The following ATP8B4 variants were observed in gnomAD, a reference collection of about 807,000 sequenced individuals.
ATP8B4 encodes ATPase phospholipid transporting 8B4 (putative), also known as probable phospholipid-transporting ATPase IM.
Under a neutral mutation model 145.6 loss-of-function variants are expected in ATP8B4, and 133 were observed. That is an observed-to-expected ratio of 0.91 (90% CI 0.79 to 1.05). The LOEUF (loss-of-function observed/expected upper bound fraction) is 1.05. Among genes scored for constraint, ATP8B4 ranks in the 50% least tolerant of loss-of-function variants. ATP8B4 has a pLI of 0.00. For synonymous variants in ATP8B4, 507 were observed against 492.9 expected (o/e 1.03, Z -0.38); for missense variants, 1,458 against 1,425.2 (o/e 1.02, Z -0.37).
At chr15:50,135,360 A>C (rs2044107066) in intron 1 of ATP8B4, among the ~76,000 whole-genome samples, 1 of 152,156 alleles carries the variant, frequency 6.6e-6, no homozygotes. Flanking sequence ...CTCAATCTTT[A>C]ACCACTCCAC....
rs532263865 is a variant in ATP8B4 at position 50,006,034 on chromosome 15, G to C, written c.436-3811C>G. On this transcript the variant is annotated intron_variant, in intron 7 of 27. Transcript: ENST00000284509. ...AAATAAACCAAATACCTCATGCATT[G>C]AGTCAAAAAATGAGAATGAGATCCT... Among the ~76,000 whole-genome samples the C allele has an allele frequency of 2.0e-5, 3 of 151,972 alleles. No individual in the cohort carries two copies. In the East Asian group the frequency reaches 5.8e-4, roughly 29 times the overall value.
chr15:49,882,486 A>C (rs759226572), intron 23 of ATP8B4, among the ~76,000 whole-genome samples: 2 of 152,258 alleles, frequency 1.3e-5, no homozygotes, highest in Non-Finnish European at 2.9e-5. Flanking sequence ...AAACAACCAA[A>C]ACATCCTTCA....
chr15:49,897,778 T>A (rs991101692), intron 22 of ATP8B4, among the ~76,000 whole-genome samples: 3 of 152,218 alleles, frequency 2.0e-5, no homozygotes, highest in Non-Finnish European at 4.4e-5. Flanking sequence ...ATGTTACAAA[T>A]GTGGGTCTGG....
chr15:49,915,834 GT>G (rs76351737), intron 20 of ATP8B4, among the ~76,000 whole-genome samples: 634 of 141,312 alleles, frequency 4.5e-3, no homozygotes, highest in Non-Finnish European at 4.9e-3. Flanking sequence ...GATATAGCAG[GT>G]TTTTTTTTTT....
intron 14 of ATP8B4, among the ~76,000 whole-genome samples, chr15:49,935,234 C>G (rs921868587): frequency 3.9e-5 from 6 of 151,998 alleles, no homozygotes; most frequent in Non-Finnish European, 5.9e-5. Context: ...ATAGGCCCGA[C>G]TTTATGCTAA....
chr15:50,147,529 T>C (rs1002323434), intron 1 of ATP8B4, among the ~76,000 whole-genome samples: 4 of 151,668 alleles, frequency 2.6e-5, no homozygotes, highest in Non-Finnish European at 5.9e-5. Flanking sequence ...GGCTTCCATG[T>C]CTAAACACCA....
intron 21 of ATP8B4, among the ~76,000 whole-genome samples, chr15:49,898,587 A>G (rs191470440): frequency 9.6e-4 from 147 of 152,360 alleles, no homozygotes; most frequent in African/African-American, 3.5e-3. Context: ...TGATGAAAAC[A>G]AAAGACAGAA....
intron 14 of ATP8B4, among the ~76,000 whole-genome samples, chr15:49,959,571 AC>A (rs1389575898): frequency 6.6e-6 from 1 of 152,138 alleles, no homozygotes; most frequent in East Asian, 1.9e-4. Context: ...TGGAAACCCC[AC>A]AAAAAAGACT....
At chr15:50,157,207 T>A (rs144002975) in intron 1 of ATP8B4, among the ~76,000 whole-genome samples, 4 of 152,072 alleles carry the variant, frequency 2.6e-5, no homozygotes, top group African/African-American at 9.6e-5. Flanking sequence ...AGATAGAAAG[T>A]TTTTTTTACC....
At chr15:50,068,105 C>T (rs1170068308) in intron 3 of ATP8B4, among the ~76,000 whole-genome samples, 1 of 152,144 alleles carries the variant, frequency 6.6e-6, no homozygotes, top group African/African-American at 2.4e-5. Flanking sequence ...TCTCGGCTCA[C>T]ACACTGAGAA....
intron 23 of ATP8B4, among the ~76,000 whole-genome samples, chr15:49,885,044 T>C (rs749750668): frequency 5.9e-5 from 9 of 152,238 alleles, no homozygotes; most frequent in Non-Finnish European, 1.2e-4. Context: ...TAAAACCCTC[T>C]AATGGTTTTC....
chr15:50,016,348 C>T (rs1347050205), intron 6 of ATP8B4, among the ~76,000 whole-genome samples: 2 of 152,132 alleles, frequency 1.3e-5, no homozygotes, highest in African/African-American at 4.8e-5. Context: ...AAGACAATTC[C>T]ATCTGTTCTC....
rs572435563 is a variant in ATP8B4 at position 50,083,351 on chromosome 15, T to C, written c.29-9166A>G. ...CATTCTTTTACAATTAGATTATCTA[T>C]AGCAAAAAAAATGCATTTTTATGGA... On this transcript the variant is annotated intron_variant, in intron 2 of 27. Transcript: ENST00000284509. Among the ~76,000 whole-genome samples the C allele has an allele frequency of 6.6e-5, 5 of 76,160 alleles. No individual in the cohort carries two copies. The East Asian group carries it at 1.9e-3, about 29-fold the overall frequency. The allele number at this position is 76,160 out of a possible 152,430, so 50.0% of individuals were successfully genotyped here. A position where few individuals can be genotyped will look rare whatever the true frequency, so the allele number is the denominator to read the frequency against.
At chr15:50,154,356 T>C (rs2044385926) in intron 1 of ATP8B4, among the ~76,000 whole-genome samples, 1 of 152,190 alleles carries the variant, frequency 6.6e-6, no homozygotes, top group African/African-American at 2.4e-5. Context: ...TTTATTTCCT[T>C]TCTAAATCCA....
At chr15:50,172,758 C>A (rs1420957863) in intron 1 of ATP8B4, among the ~76,000 whole-genome samples, 1 of 151,802 alleles carries the variant, frequency 6.6e-6, no homozygotes, top group Non-Finnish European at 1.5e-5. Flanking sequence ...CCCCGCCGCC[C>A]CGTCTGAGAT....
At chr15:50,068,069 G>A (rs1020954206) in intron 3 of ATP8B4, among the ~76,000 whole-genome samples, 6 of 152,100 alleles carry the variant, frequency 3.9e-5, no homozygotes. Context: ...TTATTATGAT[G>A]TGGGCCTAAA....
intron 1 of ATP8B4, among the ~76,000 whole-genome samples, chr15:50,115,015 A>G (rs1167710130): frequency 6.6e-6 from 1 of 152,236 alleles, no homozygotes; most frequent in Non-Finnish European, 1.5e-5. Context: ...GAGAGCAGAC[A>G]GAAACATAAA....
At chr15:49,921,765 A>G (rs943617749) in intron 17 of ATP8B4, among the ~76,000 whole-genome samples, 20 of 152,376 alleles carry the variant, frequency 1.3e-4, no homozygotes, top group African/African-American at 4.8e-4. Flanking sequence ...CCAGACAGAT[A>G]TTGAGAAAAA....
intron 1 of ATP8B4, among the ~76,000 whole-genome samples, chr15:50,140,323 T>C (rs2044189623): frequency 6.6e-6 from 1 of 152,120 alleles, no homozygotes; most frequent in African/African-American, 2.4e-5. Flanking sequence ...AGCTGAACAC[T>C]CCAGGCCCAG....
Sources: allele counts gnomAD v4.1 joint callset (sites outside exome capture counted in the v4.1 genomes callset), GRCh38; gene constraint gnomAD v4.1.1; transcripts MANE v1.5; gene names NCBI Gene and HGNC (gene_info 2026-07-23, HGNC 2026-07-21).